Variants in ARL15 observed in about 807,000 individuals in gnomAD.
The protein encoded by ARL15 is ADP-ribosylation factor-like protein 15.
A neutral mutation model predicts 25.2 loss-of-function variants in ARL15; 19 were observed. The observed-to-expected ratio is 0.75, with a 90% CI of 0.53 to 1.10. The LOEUF is 1.10. ARL15 is among the 50% of genes least tolerant of loss of function. The pLI, the probability that ARL15 is intolerant of heterozygous loss-of-function variation, is 0.00. For synonymous variants in ARL15, 94 were observed against 86.8 expected, an observed-to-expected ratio of 1.08 and a Z score of -0.46; for missense variants, 220 against 246.0, an observed-to-expected ratio of 0.89 and a Z score of 0.71.
intron 1 of ARL15, among the ~76,000 whole-genome samples, chr5:54,252,411 G>A (rs956059359): frequency 3.3e-5 from 5 of 152,148 alleles, no homozygotes; most frequent in African/African-American, 1.2e-4. Flanking sequence ...CTTTTTAAAA[G>A]GAAAACACTT....
chr5:54,292,424 C>T (rs1157433262), intron 1 of ARL15, among the ~76,000 whole-genome samples: 3 of 152,188 alleles, frequency 2.0e-5, no homozygotes, highest in African/African-American at 4.8e-5. Flanking sequence ...GAAACTCCTG[C>T]CCTCCACCTG....
At chr5:54,189,404 C>T (rs1440996469) in intron 1 of ARL15, among the ~76,000 whole-genome samples, 25 of 151,998 alleles carry the variant, frequency 1.6e-4, no homozygotes, top group Admixed American at 1.5e-3. Flanking sequence ...TCAAAACAAA[C>T]GTCCGGTAAT....
chr5:54,062,701 T>G (rs6859259), intron 4 of ARL15, among the ~76,000 whole-genome samples: 11,119 of 152,174 alleles, frequency 0.073, 465 homozygotes, highest in African/African-American at 0.11. Flanking sequence ...CTCAGGGATG[T>G]CTTTATCAGC....
At chr5:54,222,922 T>C (rs1479347269) in intron 1 of ARL15, among the ~76,000 whole-genome samples, 1 of 151,638 alleles carries the variant, frequency 6.6e-6, no homozygotes, top group African/African-American at 2.4e-5. Context: ...CGGGTTCTAG[T>C]GATTCTTCTG....
intron 1 of ARL15, among the ~76,000 whole-genome samples, chr5:54,259,016 A>C (rs1757433489): frequency 6.6e-6 from 1 of 152,240 alleles, no homozygotes; most frequent in African/African-American, 2.4e-5. Context: ...CTTGTTGTCC[A>C]GTGGAGACAC....
chr5:54,203,986 C>T (rs1258939913), intron 1 of ARL15, among the ~76,000 whole-genome samples: 1 of 151,980 alleles, frequency 6.6e-6, no homozygotes, highest in East Asian at 1.9e-4. Context: ...AAACTAAGTC[C>T]CACCTTTGCC....
chr5:54,224,736 C>T (rs1477495019), intron 1 of ARL15, among the ~76,000 whole-genome samples: 2 of 152,054 alleles, frequency 1.3e-5, no homozygotes, highest in Non-Finnish European at 2.9e-5. Flanking sequence ...TTATAACAAA[C>T]TTTTATTGTT....
At chr5:54,092,143 A>G (rs575485005) in intron 4 of ARL15, among the ~76,000 whole-genome samples, 2 of 152,236 alleles carry the variant, frequency 1.3e-5, no homozygotes, top group East Asian at 1.9e-4. Context: ...TAGGTTGAAA[A>G]TACACGTACA....
In ARL15 at chr5:54,162,024, C is replaced by CACACACACACAG. The variant is rs148833900; in HGVS notation, c.194-7386_194-7385insCTGTGTGTGTGT. ...ACACACACACACACACACACACACA[C>CACACACACACAG]AGAGAGAGATACACACCTGCTATGA... On this transcript the variant is annotated intron_variant, in intron 2 of 4. Coordinates refer to ENST00000504924, the MANE Select transcript of ARL15 (RefSeq NM_019087.3). Among the ~76,000 whole-genome samples the CACACACACACAG allele has an allele frequency of 6.9e-3, 997 of 145,398 alleles. 9 individuals are homozygous for CACACACACACAG. The highest frequency in any genetic ancestry group is 0.012 in the East Asian group (60 of 5,028).
chr5:54,161,998 TACACACACAC>T (rs3839223), intron 2 of ARL15, among the ~76,000 whole-genome samples: 1 of 144,564 alleles, frequency 6.9e-6, no homozygotes, highest in Non-Finnish European at 1.5e-5. Context: ...CACACACACA[TACACACACAC>T]ACACACACAC....
At chr5:53,901,067 G>A (rs1161718491) in intron 4 of ARL15, among the ~76,000 whole-genome samples, 1 of 152,174 alleles carries the variant, frequency 6.6e-6, no homozygotes, top group Non-Finnish European at 1.5e-5. Flanking sequence ...GCAGGTGCAA[G>A]CAACAGACTT....
At chr5:54,077,690 A>G (rs1751656358) in intron 4 of ARL15, among the ~76,000 whole-genome samples, 2 of 152,166 alleles carry the variant, frequency 1.3e-5, no homozygotes, top group African/African-American at 2.4e-5. Context: ...GCTAGCCTTA[A>G]TAATAGGTAA....
rs188786504 is a variant in ARL15, at chr5:54,256,905, C to G, written c.48+53527G>C. On this transcript the variant is annotated intron_variant, in intron 1 of 4. Coordinates refer to ENST00000504924, the MANE Select transcript of ARL15 (RefSeq NM_019087.3). ...CCAGCATTGCTTTGTGATAAAAACC[C>G]TCAACAAACTATGCATAGATGGAAC... 8.5e-5 allele frequency among the ~76,000 whole-genome samples: 13 copies of G among 152,258 alleles called. No individual in the cohort carries two copies. The East Asian group carries it at 2.5e-3, about 29-fold the overall frequency.
chr5:54,198,766 A>T lies in ARL15; in HGVS notation c.49-26838T>A, dbSNP rs569903083. On this transcript the variant is annotated intron_variant, in intron 1 of 4. Coordinates refer to ENST00000504924, the MANE Select transcript of ARL15 (RefSeq NM_019087.3). ...AATGCCATCCCCATCAAGCTACCAA[A>T]GACTTTCTTCACAGAATTGGAAAAA... Among the ~76,000 whole-genome samples the T allele has an allele frequency of 1.3e-3, 196 of 151,288 alleles. 1 individual carries two copies. Among genetic ancestry groups the T allele is most frequent in the African/African-American group, 4.4e-3 (183 of 41,196 alleles).
chr5:54,234,155 C>G (rs1211402254), intron 1 of ARL15, among the ~76,000 whole-genome samples: 1 of 151,944 alleles, frequency 6.6e-6, no homozygotes, highest in Non-Finnish European at 1.5e-5. Flanking sequence ...GCCACCAAGC[C>G]CGGCTAATTT....
chr5:54,124,256 C>T (rs1753178076), intron 3 of ARL15, among the ~76,000 whole-genome samples: 1 of 152,162 alleles, frequency 6.6e-6, no homozygotes, highest in South Asian at 2.1e-4. Context: ...AGATATCACT[C>T]CTTTCATGCT....
intron 1 of ARL15, among the ~76,000 whole-genome samples, chr5:54,235,476 G>T (rs558313625): frequency 6.7e-6 from 1 of 149,110 alleles, no homozygotes; most frequent in East Asian, 2.0e-4. Context: ...ACATATGCAC[G>T]TTAATTCTAT....
chr5:54,175,861 A>G (rs370713244), intron 1 of ARL15, among the ~76,000 whole-genome samples: 5 of 152,148 alleles, frequency 3.3e-5, no homozygotes, highest in Admixed American at 2.0e-4. Flanking sequence ...CATGTTGCTC[A>G]GGCTGGTCTC....
chr5:54,202,047 T>C (rs573811674), intron 1 of ARL15, among the ~76,000 whole-genome samples: 1 of 152,278 alleles, frequency 6.6e-6, no homozygotes, highest in South Asian at 2.1e-4. Flanking sequence ...ATTTTAAAAG[T>C]CATATGAATG....
Sources: gnomAD v4.1 joint callset for allele counts (sites outside exome capture counted in the v4.1 genomes callset) on GRCh38, gnomAD v4.1.1 for gene constraint, MANE v1.5 for transcripts, NCBI Gene and HGNC (gene_info 2026-07-23, HGNC 2026-07-21) for gene names.